The following CYP27C1 variants were observed in gnomAD, a reference collection of about 807,000 sequenced individuals.
The protein encoded by CYP27C1 is cytochrome P450 family 27 subfamily C member 1.
CYP27C1 carries 29 observed loss-of-function variants against 40.6 expected under a neutral mutation model. The ratio of observed to expected loss-of-function variants is 0.71; its 90% CI spans 0.53 to 0.97. The LOEUF is 0.97. CYP27C1 is among the 50% of genes least tolerant of loss of function. The pLI is 0.00. For synonymous variants in CYP27C1, 198 were observed against 186.8 expected (o/e 1.06, Z -0.49); for missense variants, 390 against 485.8 (o/e 0.80, Z 1.85).
intron 1 of CYP27C1, among the ~76,000 whole-genome samples, chr2:127,216,518 G>T (rs558027834): frequency 6.6e-6 from 1 of 152,264 alleles, no homozygotes; most frequent in African/African-American, 2.4e-5. Flanking sequence ...GATACAGAAA[G>T]TAGCTTGGTG....
At chr2:127,204,510 AAAGAAG>A (rs1683150970) in intron 2 of CYP27C1, among the ~76,000 whole-genome samples, 4 of 69,504 alleles carry the variant, frequency 5.8e-5, no homozygotes, top group Non-Finnish European at 9.1e-5. Context: ...GGAAGGAAAG[AAAGAAG>A]GAAAGAAAGA....
chr2:127,190,807 C>T (rs1184376883), intron 8 of CYP27C1, among the ~76,000 whole-genome samples: 1 of 150,928 alleles, frequency 6.6e-6, no homozygotes, highest in African/African-American at 2.4e-5. Flanking sequence ...ATTAGCTGGG[C>T]ATGGTGGCAG....
At chr2:127,188,004 G>A (rs1212242229) in intron 8 of CYP27C1, among the ~76,000 whole-genome samples, 1 of 152,088 alleles carries the variant, frequency 6.6e-6, no homozygotes, top group Admixed American at 6.5e-5. Context: ...AACACCTAAA[G>A]CAATTATCTC....
rs2104665759 is a variant in CYP27C1, at chr2:127,184,348, AAT to A, written c.*2921_*2922del. ...ACGAAGTCCAGCATTGTACTTGGTTAATATGTCTCCTATATTGCTTCATCTGT... is the reference window on the plus strand; with the variant it reads ...ACGAAGTCCAGCATTGTACTTGGTTAATGTCTCCTATATTGCTTCATCTGT... On this transcript the variant is annotated 3_prime_UTR_variant, in exon 9 of 9. Coordinates refer to ENST00000664447, the MANE Select transcript of CYP27C1 (RefSeq NM_001367502.1). The A allele has an allele frequency of 6.6e-6, 1 of 152,194 alleles. No homozygotes were observed. The highest frequency in any genetic ancestry group is 2.4e-5 in the African/African-American group (1 of 41,542). 9.4% of individuals were successfully genotyped at this position (152,194 alleles called of 1,614,324 possible).
chr2:127,193,660 A>T, intron 7 of CYP27C1, 129 bp downstream of exon 7: 1 of 1,017,678 alleles, frequency 9.8e-7, no homozygotes, highest in Non-Finnish European at 1.5e-6. Context: ...TCTTCATCTT[A>T]AAATACATGC....
intron 1 of CYP27C1, among the ~76,000 whole-genome samples, chr2:127,214,025 A>G (rs1683382231): frequency 6.6e-6 from 1 of 152,244 alleles, no homozygotes; most frequent in Non-Finnish European, 1.5e-5. Flanking sequence ...ACCTCTCAAA[A>G]GAAGACATTT....
chr2:127,204,974 G>C (rs1201105372), intron 2 of CYP27C1, among the ~76,000 whole-genome samples: 1 of 152,230 alleles, frequency 6.6e-6, no homozygotes. Flanking sequence ...GAGGACCCAA[G>C]CTAAGCCAGC....
Position 127,195,473 on chromosome 2 carries a change from T to C in CYP27C1, c.1076A>G (p.Tyr359Cys), listed in dbSNP as rs754225318. 2.5e-6 allele frequency: 4 copies of C among 1,613,844 alleles called. No homozygotes were observed. The highest frequency in any genetic ancestry group is 3.4e-6 in the Non-Finnish European group (4 of 1,179,944). ...TTSFTLSWTV[Y>C]LLARHPEVQQ... ...CACTTCTGGGTGCCTTGCCAGGAGG[T>C]ACACAGTCCAAGACAAGGTGAAGGA... Residue 359 changes from tyrosine (Y) to cysteine (C), a missense_variant, in exon 6 of 9, where the codon TAC becomes TGC. Transcript: ENST00000664447. This position sits in a 1 kb window ranked among gnomAD's most constrained non-coding sequence, Gnocchi z 6.2.
rs1361744005 is a variant in CYP27C1, at chr2:127,219,378, C to A, written c.282+611G>T. ...GGGACCTCAGCCCTGGTGCCCTCCC[C>A]GCAGTCCCATTCCTGGTTTCCCTTC... On this transcript the variant is annotated intron_variant, in intron 1 of 8. Transcript: ENST00000664447. This position sits in a 1 kb window ranked among gnomAD's most constrained non-coding sequence, Gnocchi z 8.7. Among the ~76,000 whole-genome samples the A allele has an allele frequency of 6.6e-6, 1 of 152,000 alleles. No individual in the cohort carries two copies. Among genetic ancestry groups the A allele is most frequent in the Non-Finnish European group, 1.5e-5 (1 of 67,974 alleles).
chr2:127,206,385 C>T (rs563148568), intron 1 of CYP27C1, among the ~76,000 whole-genome samples: 9 of 152,162 alleles, frequency 5.9e-5, no homozygotes, highest in African/African-American at 1.4e-4. Context: ...CATAGCTCAC[C>T]GCAGCCTCCA....
rs1240045743 is a variant in CYP27C1, at chr2:127,209,554, T to TA, written c.283-3465dup. Among the ~76,000 whole-genome samples the TA allele has an allele frequency of 6.6e-5, 10 of 152,028 alleles. No homozygotes were observed. Among genetic ancestry groups the TA allele is most frequent in the African/African-American group, 2.4e-4 (10 of 41,364 alleles). On this transcript the variant is annotated intron_variant, in intron 1 of 8. Coordinates refer to ENST00000664447, the MANE Select transcript of CYP27C1 (RefSeq NM_001367502.1). This position sits in a 1 kb window ranked among gnomAD's most constrained non-coding sequence, Gnocchi z 4.1. Reference sequence around the variant, plus strand: ...GAAGTACACTTCAGAAGATGGGTAATAAAAAACTGCGATGACCTAAAGGAG... The same window carrying TA: ...GAAGTACACTTCAGAAGATGGGTAATAAAAAAACTGCGATGACCTAAAGGAG...
In CYP27C1 at chr2:127,195,911, C is replaced by T. The variant is rs911039085; in HGVS notation, c.1048-410G>A. Among the ~76,000 whole-genome samples the T allele has an allele frequency of 6.6e-6, 1 of 152,176 alleles. No individual in the cohort carries two copies. Among genetic ancestry groups the T allele is most frequent in the Non-Finnish European group, 1.5e-5 (1 of 68,032 alleles). The stretch of plus-strand genomic sequence containing the variant: ...GCCAGAAAGGGCCTCAGGCTGCCCC[C>T]CGGCATCCCCAGGATGCTGGGCCCG... On this transcript the variant is annotated intron_variant, in intron 5 of 8. Transcript: ENST00000664447. The surrounding 1 kb of genome is among the most constrained non-coding windows in gnomAD (Gnocchi z 6.2).
chr2:127,186,969 G>A lies in CYP27C1; in HGVS notation c.*302C>T. The A allele has an allele frequency of 3.6e-6, 1 of 276,782 alleles. No homozygotes were observed. The highest frequency in any genetic ancestry group is 7.6e-5 in the South Asian group (1 of 13,196). 17.1% of individuals were successfully genotyped at this position (276,782 alleles called of 1,614,324 possible). On this transcript the variant is annotated 3_prime_UTR_variant, in exon 9 of 9. Transcript: ENST00000664447. The surrounding 1 kb of genome is among the most constrained non-coding windows in gnomAD (Gnocchi z 4.5). ...TGTACAAGTAAATGCACAGGATACTGCCAGTCATTAAATATTGAGTCTAGC... is the reference window on the plus strand; with the variant it reads ...TGTACAAGTAAATGCACAGGATACTACCAGTCATTAAATATTGAGTCTAGC...
intron 2 of CYP27C1, 63 bp downstream of exon 2, chr2:127,205,837 G>A (rs1683214584): frequency 2.4e-6 from 2 of 835,428 alleles, no homozygotes; most frequent in Non-Finnish European, 2.8e-6. Flanking sequence ...CAGCTTTGGA[G>A]GAGGGGGCCT....
At chr2:127,193,705 G>T in intron 7 of CYP27C1, 84 bp downstream of exon 7, 1 of 1,453,786 alleles carries the variant, frequency 6.9e-7, no homozygotes, top group Non-Finnish European at 9.6e-7. Flanking sequence ...TCTGCTTAGG[G>T]ACAAAGACTT....
At position 127,186,216 on chromosome 2, in the gene CYP27C1, T is replaced by A. The variant is rs1387295870; in HGVS notation, c.*1055A>T. On this transcript the variant is annotated 3_prime_UTR_variant, in exon 9 of 9. Transcript: ENST00000664447. The surrounding 1 kb of genome is among the most constrained non-coding windows in gnomAD (Gnocchi z 4.5). ...TTTAGATTTGGTTAGAAAATCTGATTATTCTTGATTTCACCAGGAGCTTTC... is the reference window on the plus strand; with the variant it reads ...TTTAGATTTGGTTAGAAAATCTGATAATTCTTGATTTCACCAGGAGCTTTC... 1 of 151,826 alleles carries A rather than the reference T, an allele frequency of 6.6e-6. No homozygotes were observed. Among genetic ancestry groups the A allele is most frequent in the South Asian group, 2.1e-4 (1 of 4,824 alleles). 9.4% of individuals were successfully genotyped at this position (151,826 alleles called of 1,614,324 possible).
rs1369804325 is a variant in CYP27C1 at position 127,185,209 on chromosome 2, C to G, written c.*2062G>C. ...AACTTGTCCAGCTGAATCTCCATTT[C>G]TTTGGCGTGGATGCTTCCTGGGTGG... On this transcript the variant is annotated 3_prime_UTR_variant, in exon 9 of 9. Coordinates refer to ENST00000664447, the MANE Select transcript of CYP27C1 (RefSeq NM_001367502.1). The surrounding 1 kb of genome is among the most constrained non-coding windows in gnomAD (Gnocchi z 4.9). 1 of 152,332 alleles carries G rather than the reference C, an allele frequency of 6.6e-6. No individual in the cohort carries two copies. The highest frequency in any genetic ancestry group is 1.9e-4 in the East Asian group (1 of 5,202). 9.4% of individuals were successfully genotyped at this position (152,332 alleles called of 1,614,324 possible).
chr2:127,215,681 C>T (rs1683418428), intron 1 of CYP27C1, among the ~76,000 whole-genome samples: 1 of 152,082 alleles, frequency 6.6e-6, no homozygotes, highest in African/African-American at 2.4e-5. Flanking sequence ...CATAGCAAGA[C>T]CCTGTCTCAT....
chr2:127,212,849 T>C (rs540243474), intron 1 of CYP27C1, among the ~76,000 whole-genome samples: 3 of 152,284 alleles, frequency 2.0e-5, no homozygotes, highest in Admixed American at 1.3e-4. Context: ...ATAAAGCATA[T>C]TCAAATAGGA....
Sources: gnomAD v4.1 joint callset for allele counts (sites outside exome capture counted in the v4.1 genomes callset) on GRCh38, gnomAD v4.1.1 for gene constraint, Gnocchi (gnomAD v3.1) non-coding constraint, MANE v1.5 for transcripts, NCBI Gene and HGNC (gene_info 2026-07-23, HGNC 2026-07-21) for gene names.